The following DPP6 variants were observed in gnomAD, a reference collection of about 807,000 sequenced individuals.
DPP6 encodes dipeptidyl peptidase like 6, also known as A-type potassium channel modulatory protein DPP6.
DPP6 carries 69 observed loss-of-function variants against 122.6 expected under a neutral mutation model. The observed-to-expected ratio is 0.56, with a 90% confidence interval of 0.46 to 0.69. The LOEUF is 0.69. Ranked by LOEUF, DPP6 falls within the 30% of genes least tolerant of loss-of-function variation. DPP6 has a pLI of 0.00. For missense variants in DPP6, 928 were observed against 1,116.9 expected, an observed-to-expected ratio of 0.83 and a Z score of 2.41; for synonymous variants, 418 against 433.1, an observed-to-expected ratio of 0.97 and a Z score of 0.43.
At chr7:154,354,006 C>G (rs780194325) in intron 1 of DPP6, among the ~76,000 whole-genome samples, 2 of 152,184 alleles carry the variant, frequency 1.3e-5, no homozygotes, top group African/African-American at 2.4e-5. Context: ...ATTTATGAAG[C>G]CTTTGCCATG....
intron 1 of DPP6, among the ~76,000 whole-genome samples, chr7:154,382,795 G>A (rs777104619): frequency 1.2e-4 from 18 of 152,026 alleles, no homozygotes; most frequent in African/African-American, 3.9e-4. Flanking sequence ...GCAATGGTGC[G>A]GTCTCAGCTC....
intron 5 of DPP6, among the ~76,000 whole-genome samples, chr7:154,623,542 ACACACACG>A (rs1834834356): frequency 1.3e-5 from 2 of 151,642 alleles, no homozygotes; most frequent in Non-Finnish European, 2.9e-5. Context: ...TTACAAACAC[ACACACACG>A]CACACACGCA....
intron 1 of DPP6, among the ~76,000 whole-genome samples, chr7:154,201,824 AAC>A (rs1257217381): frequency 6.6e-6 from 1 of 152,224 alleles, no homozygotes; most frequent in East Asian, 1.9e-4. Flanking sequence ...CAAAAACCTA[AAC>A]ACATGTCCTG....
intron 5 of DPP6, among the ~76,000 whole-genome samples, chr7:154,592,181 G>C (rs932025734): frequency 6.6e-6 from 1 of 152,216 alleles, no homozygotes; most frequent in Non-Finnish European, 1.5e-5. Context: ...CATCATCGGT[G>C]CCCCAGCTAG....
chr7:154,634,745 T>C (rs1835634992), intron 5 of DPP6, among the ~76,000 whole-genome samples: 1 of 151,972 alleles, frequency 6.6e-6, no homozygotes, highest in African/African-American at 2.4e-5. Flanking sequence ...ATGGCCTTGA[T>C]AGGGTTATTT....
intron 1 of DPP6, among the ~76,000 whole-genome samples, chr7:154,221,857 G>C (rs1451991700): frequency 6.6e-6 from 1 of 152,030 alleles, no homozygotes. Context: ...TTGTATGATA[G>C]CACCCCCAGT....
chr7:153,818,613 TTATC>T, the DPP6 span, among the ~76,000 whole-genome samples: 1 of 151,910 alleles, frequency 6.6e-6, no homozygotes, highest in Non-Finnish European at 1.5e-5. Context: ...AATGACACAT[TTATC>T]TAGCCAGATG....
intron 5 of DPP6, among the ~76,000 whole-genome samples, chr7:154,613,394 C>A (rs1487972461): frequency 6.6e-6 from 1 of 151,866 alleles, no homozygotes. Flanking sequence ...CTGAGGCAGG[C>A]AGATCACCTG....
At chr7:154,586,750 C>T (rs1348896556) in intron 5 of DPP6, among the ~76,000 whole-genome samples, 1 of 152,236 alleles carries the variant, frequency 6.6e-6, no homozygotes, top group African/African-American at 2.4e-5. Flanking sequence ...TTTCCTCCAC[C>T]TGGATCTCCT....
chr7:154,678,994 G>A (rs937012494), intron 7 of DPP6, among the ~76,000 whole-genome samples: 5 of 152,142 alleles, frequency 3.3e-5, no homozygotes, highest in East Asian at 1.9e-4. Flanking sequence ...TGGGTTAATC[G>A]TCTGAGAATG....
Position 154,044,806 on chromosome 7 carries a change from T to C in DPP6, c.51+157072T>C, listed in dbSNP as rs147400839. Reference sequence around the variant, plus strand: ...GTTTATTAACTTTATTGATTTTTAATTAAGGACAGGATTTTTTTATTGCAT... The same window carrying C: ...GTTTATTAACTTTATTGATTTTTAACTAAGGACAGGATTTTTTTATTGCAT... On this transcript the variant is annotated intron_variant, in intron 1 of 25. Coordinates refer to the DPP6 transcript ENST00000404039. Among the ~76,000 whole-genome samples the C allele has an allele frequency of 8.9e-3, 1,363 of 152,316 alleles. 20 individuals are homozygous for C. The highest frequency in any genetic ancestry group is 0.031 in the African/African-American group (1,271 of 41,560).
At chr7:153,813,665 C>G in the DPP6 span, among the ~76,000 whole-genome samples, 1 of 152,028 alleles carries the variant, frequency 6.6e-6, no homozygotes, top group African/African-American at 2.4e-5. Flanking sequence ...GTTCCTATTT[C>G]TTCACATCCT....
intron 1 of DPP6, among the ~76,000 whole-genome samples, chr7:154,012,838 C>G (rs1187613077): frequency 6.6e-6 from 1 of 152,094 alleles, no homozygotes; most frequent in African/African-American, 2.4e-5. Flanking sequence ...CATTATGGAT[C>G]TTATATTTTT....
intron 16 of DPP6, among the ~76,000 whole-genome samples, chr7:154,824,341 G>C (rs1378718716): frequency 6.6e-6 from 1 of 152,170 alleles, no homozygotes; most frequent in Non-Finnish European, 1.5e-5. Context: ...GTGCAGTGGC[G>C]AGACCTCGGC....
intron 21 of DPP6, 121 bp from the exon 22 acceptor site, chr7:154,885,512 T>G: frequency 7.4e-7 from 1 of 1,358,172 alleles, no homozygotes; most frequent in South Asian, 1.5e-5. Flanking sequence ...AGTGACACAT[T>G]TTGTAAAAGG....
chr7:153,764,821 C>T, the DPP6 span, among the ~76,000 whole-genome samples: 1 of 151,822 alleles, frequency 6.6e-6, no homozygotes, highest in African/African-American at 2.4e-5. Flanking sequence ...TTCCCACCAT[C>T]ACCAGAACCG....
intron 16 of DPP6, among the ~76,000 whole-genome samples, chr7:154,832,129 C>A (rs1800674606): frequency 6.6e-6 from 1 of 152,214 alleles, no homozygotes; most frequent in African/African-American, 2.4e-5. Context: ...GGTTATGACT[C>A]TTCTTTCCCT....
chr7:154,114,822 G>C (rs1806863440), intron 1 of DPP6, among the ~76,000 whole-genome samples: 1 of 152,222 alleles, frequency 6.6e-6, no homozygotes, highest in African/African-American at 2.4e-5. Flanking sequence ...TGTCCTCCCT[G>C]ATTTACACCT....
chr7:154,083,593 G>C (rs1042708423), intron 1 of DPP6, among the ~76,000 whole-genome samples: 4 of 150,684 alleles, frequency 2.7e-5, no homozygotes, highest in African/African-American at 9.8e-5. Flanking sequence ...GCATGACTGA[G>C]GTCTAGGTAT....
Sources: gnomAD v4.1 joint callset for allele counts (sites outside exome capture counted in the v4.1 genomes callset) on GRCh38, gnomAD v4.1.1 for gene constraint, MANE v1.5 for transcripts, NCBI Gene and HGNC (gene_info 2026-07-23, HGNC 2026-07-21) for gene names.